Variants in SLC17A1 observed in about 807,000 individuals in gnomAD.
The protein encoded by SLC17A1 is solute carrier family 17 member 1.
In SLC17A1, 51 loss-of-function variants were observed where a neutral mutation model predicts 53.5. The ratio of observed to expected loss-of-function variants is 0.95; its 90% confidence interval spans 0.76 to 1.20. The LOEUF (loss-of-function observed/expected upper bound fraction) is 1.20. Among genes scored for constraint, SLC17A1 ranks in the 50% most tolerant of loss-of-function variants. SLC17A1 has a pLI of 0.00. For synonymous variants in SLC17A1, 179 were observed against 198.8 expected (o/e 0.90, Z 0.84); for missense variants, 538 against 568.2 (o/e 0.95, Z 0.54).
At chr6:25,788,864 T>A (rs1763440678) in intron 12 of SLC17A1, among the ~76,000 whole-genome samples, 1 of 152,074 alleles carries the variant, frequency 6.6e-6, no homozygotes, top group Non-Finnish European at 1.5e-5. Flanking sequence ...AGCTCACTGC[T>A]GGAAAAGAAA....
chr6:25,746,236 A>G, the SLC17A1 span, among the ~76,000 whole-genome samples: 1 of 152,194 alleles, frequency 6.6e-6, no homozygotes, highest in African/African-American at 2.4e-5. Flanking sequence ...TTATTTTTAA[A>G]ACTTAGTTGC....
chr6:25,726,729 G>C, the SLC17A1 span: 15 of 1,070,076 alleles, frequency 1.4e-5, no homozygotes, highest in African/African-American at 4.8e-5. Context: ...CGAACGCGGC[G>C]TTTGAGGGCC....
chr6:25,813,925 T>C (rs977738808), intron 6 of SLC17A1, among the ~76,000 whole-genome samples: 9 of 152,228 alleles, frequency 5.9e-5, no homozygotes, highest in African/African-American at 2.2e-4. Context: ...TCCTTCTTTT[T>C]ATGGCTGCAT....
At chr6:25,788,275 A>G (rs1443978566) in intron 12 of SLC17A1, among the ~76,000 whole-genome samples, 1 of 152,196 alleles carries the variant, frequency 6.6e-6, no homozygotes, top group African/African-American at 2.4e-5. Flanking sequence ...TTTAGATTAA[A>G]TCTAAACAGC....
intron 3 of SLC17A1, among the ~76,000 whole-genome samples, chr6:25,820,897 C>CAAAAA (rs59962368): frequency 3.2e-5 from 2 of 62,094 alleles, no homozygotes; most frequent in Non-Finnish European, 3.0e-5. Context: ...GACTCCATCT[C>CAAAAA]AAAAAAAAAA....
chr6:25,814,987 A>T (rs200912025), intron 6 of SLC17A1, among the ~76,000 whole-genome samples: 13,170 of 46,970 alleles, frequency 0.28, 670 homozygotes, highest in Admixed American at 0.3. Flanking sequence ...ACTCTGTCAC[A>T]CAAACACACA....
the SLC17A1 span, among the ~76,000 whole-genome samples, chr6:25,736,352 G>A: frequency 9.9e-5 from 15 of 152,072 alleles, no homozygotes; most frequent in Non-Finnish European, 2.2e-4. Flanking sequence ...CCAAATCATA[G>A]TCAATTAAAT....
intron 11 of SLC17A1, among the ~76,000 whole-genome samples, chr6:25,800,132 G>C (rs980050047): frequency 6.6e-6 from 1 of 152,052 alleles, no homozygotes; most frequent in African/African-American, 2.4e-5. Context: ...GGTGCTAGTG[G>C]TATGAAGGTG....
chr6:25,729,472 T>C, the SLC17A1 span, among the ~76,000 whole-genome samples: 1 of 152,182 alleles, frequency 6.6e-6, no homozygotes, highest in South Asian at 2.1e-4. Flanking sequence ...GGGTCTTGGA[T>C]TGAAAGCAAG....
chr6:25,803,232 C>T (rs1341352010), intron 10 of SLC17A1, among the ~76,000 whole-genome samples: 3 of 152,038 alleles, frequency 2.0e-5, no homozygotes, highest in African/African-American at 2.4e-5. Context: ...CCACCACGCC[C>T]GGCCCCGCAG....
At chr6:25,755,963 A>G in the SLC17A1 span, among the ~76,000 whole-genome samples, 1 of 152,154 alleles carries the variant, frequency 6.6e-6, no homozygotes, top group Non-Finnish European at 1.5e-5. Flanking sequence ...TCTTAGTGGC[A>G]TATCTCCAAA....
At chr6:25,799,510 A>G (rs1763692521) in intron 11 of SLC17A1, among the ~76,000 whole-genome samples, 1 of 152,184 alleles carries the variant, frequency 6.6e-6, no homozygotes, top group African/African-American at 2.4e-5. Context: ...TGAAATAGCT[A>G]TCAGAGGAGA....
the SLC17A1 span, chr6:25,761,819 C>A: frequency 1.6e-6 from 1 of 624,724 alleles, no homozygotes; most frequent in Non-Finnish European, 2.7e-6. Flanking sequence ...AAACCCTAAT[C>A]TACCACTTTT....
chr6:25,733,112 T>A, the SLC17A1 span, among the ~76,000 whole-genome samples: 1 of 152,164 alleles, frequency 6.6e-6, no homozygotes, highest in South Asian at 2.1e-4. Flanking sequence ...TGTTTCTGGG[T>A]GGAACTGTTT....
At chr6:25,777,645 C>T in the SLC17A1 span, 2 of 300,078 alleles carry the variant, frequency 6.7e-6, no homozygotes, top group Non-Finnish European at 1.2e-5. Flanking sequence ...TCAATCTGAC[C>T]ATCTTGCATA....
chr6:25,770,036 A>C, the SLC17A1 span: 1 of 1,600,182 alleles, frequency 6.2e-7, no homozygotes, highest in Non-Finnish European at 8.6e-7. Context: ...CCTTCAACTA[A>C]AGACAAACAG....
chr6:25,764,693 G>A, the SLC17A1 span, among the ~76,000 whole-genome samples: 1 of 152,272 alleles, frequency 6.6e-6, no homozygotes, highest in East Asian at 1.9e-4. Flanking sequence ...CAGAAGCTGG[G>A]CAGACCACAG....
intron 11 of SLC17A1, among the ~76,000 whole-genome samples, chr6:25,799,997 G>A (rs1178040595): frequency 3.3e-5 from 5 of 152,166 alleles, no homozygotes; most frequent in African/African-American, 1.2e-4. Context: ...TGTGGCCATG[G>A]TGGATGCAGA....
the SLC17A1 span, among the ~76,000 whole-genome samples, chr6:25,775,942 A>T: frequency 2.0e-5 from 3 of 152,176 alleles, no homozygotes; most frequent in African/African-American, 7.2e-5. Flanking sequence ...ATTGTTTCCC[A>T]TCTTTGAGCA....
Sources: gnomAD v4.1 joint callset for allele counts (sites outside exome capture counted in the v4.1 genomes callset) on GRCh38, gnomAD v4.1.1 for gene constraint, MANE v1.5 for transcripts, NCBI Gene and HGNC (gene_info 2026-07-23, HGNC 2026-07-21) for gene names.